Variants in KCNN2 observed in about 807,000 individuals in gnomAD.
KCNN2 encodes small conductance calcium-activated potassium channel protein 2.
In KCNN2, 24 loss-of-function variants were observed where a neutral mutation model predicts 55.5. The observed-to-expected ratio is 0.43, with a 90% CI of 0.31 to 0.61. KCNN2 has a LOEUF of 0.61. Ranked by LOEUF, KCNN2 falls within the 20% of genes least tolerant of loss-of-function variation. The pLI, the probability that KCNN2 is intolerant of heterozygous loss-of-function variation, is 0.08. For synonymous variants in KCNN2, 431 were observed against 336.1 expected, an observed-to-expected ratio of 1.28 and a Z score of -3.09; for missense variants, 754 against 853.6, an observed-to-expected ratio of 0.88 and a Z score of 1.45.
At chr5:114,298,445 C>G (rs1438547547) in intron 2 of KCNN2, among the ~76,000 whole-genome samples, 1 of 152,220 alleles carries the variant, frequency 6.6e-6, no homozygotes, top group African/African-American at 2.4e-5. Flanking sequence ...CCAGTTGCAA[C>G]ACTGGTGGCA....
At chr5:114,447,509 C>A (rs1760464045) in intron 3 of KCNN2, among the ~76,000 whole-genome samples, 1 of 152,214 alleles carries the variant, frequency 6.6e-6, no homozygotes, top group African/African-American at 2.4e-5. Flanking sequence ...AGATGACTGA[C>A]AAACATTTTG....
At chr5:114,059,926 G>A (rs1437271828) in intron 1 of KCNN2, among the ~76,000 whole-genome samples, 1 of 152,200 alleles carries the variant, frequency 6.6e-6, no homozygotes, top group African/African-American at 2.4e-5. Flanking sequence ...GAAAGGATCA[G>A]GCTGTTGGTA....
intron 1 of KCNN2, among the ~76,000 whole-genome samples, chr5:114,126,530 A>T (rs906515720): frequency 6.6e-6 from 1 of 152,140 alleles, no homozygotes; most frequent in East Asian, 1.9e-4. Context: ...GCATGATTCA[A>T]TTATCTCCAC....
chr5:114,147,131 G>C (rs559343118), intron 1 of KCNN2, among the ~76,000 whole-genome samples: 3 of 152,102 alleles, frequency 2.0e-5, no homozygotes, highest in Non-Finnish European at 2.9e-5. Flanking sequence ...TTGGTCTTAC[G>C]TACACTGCCT....
intron 2 of KCNN2, among the ~76,000 whole-genome samples, chr5:114,248,354 G>T (rs976224811): frequency 2.0e-5 from 3 of 152,144 alleles, no homozygotes; most frequent in African/African-American, 7.2e-5. Flanking sequence ...TTAATGAGAA[G>T]TTTAGTTATT....
intron 1 of KCNN2, among the ~76,000 whole-genome samples, chr5:114,079,622 G>A (rs975091768): frequency 6.6e-6 from 1 of 152,088 alleles, no homozygotes; most frequent in South Asian, 2.1e-4. Flanking sequence ...TTTTAATACA[G>A]TAGAACGTAG....
At chr5:114,134,868 A>G (rs1752143162) in intron 1 of KCNN2, among the ~76,000 whole-genome samples, 1 of 152,208 alleles carries the variant, frequency 6.6e-6, no homozygotes. Flanking sequence ...AGAGCAAAGT[A>G]CATTATTCAG....
At chr5:114,161,331 C>G (rs368646775) in intron 1 of KCNN2, among the ~76,000 whole-genome samples, 1 of 146,246 alleles carries the variant, frequency 6.8e-6, no homozygotes, top group African/African-American at 2.5e-5. Context: ...ATATTGGCCC[C>G]CACTCTCTCC....
chr5:114,334,986 C>T (rs1377990155), intron 2 of KCNN2, among the ~76,000 whole-genome samples: 2 of 152,098 alleles, frequency 1.3e-5, no homozygotes, highest in Middle Eastern at 3.4e-3. Flanking sequence ...TGCAGTGTCG[C>T]GATCTTGGCT....
chr5:114,172,186 C>T lies in KCNN2; in HGVS notation c.-270-49294C>T, dbSNP rs1753047877. Among the ~76,000 whole-genome samples the T allele has an allele frequency of 2.0e-5, 3 of 151,978 alleles. No homozygotes were observed. In the East Asian group the frequency reaches 5.8e-4, roughly 29 times the overall value. On this transcript the variant is annotated intron_variant, in intron 1 of 10. Transcript: ENST00000512097. ...TTCATCCCAACCTACCAGTTTACACCACAAAGTGAACTACCAGCACCACTT... is the reference window on the plus strand; with the variant it reads ...TTCATCCCAACCTACCAGTTTACACTACAAAGTGAACTACCAGCACCACTT...
intron 5 of KCNN2, among the ~76,000 whole-genome samples, chr5:114,481,495 T>G (rs1762222958): frequency 6.6e-6 from 1 of 152,152 alleles, no homozygotes; most frequent in Non-Finnish European, 1.5e-5. Context: ...TCAGTGCTAT[T>G]CCCATTAAAC....
chr5:114,178,307 C>A (rs1027398513), intron 1 of KCNN2, among the ~76,000 whole-genome samples: 1 of 152,196 alleles, frequency 6.6e-6, no homozygotes, highest in Non-Finnish European at 1.5e-5. Context: ...TGCCATCTGG[C>A]AGTTCCTTTC....
chr5:114,326,689 A>T (rs1200990323), intron 2 of KCNN2, among the ~76,000 whole-genome samples: 1 of 152,220 alleles, frequency 6.6e-6, no homozygotes, highest in Admixed American at 6.5e-5. Context: ...ACTTCTGGAC[A>T]CACTGAAGCA....
Position 114,121,203 on chromosome 5 carries a change from A to G in KCNN2, c.-271+64703A>G, listed in dbSNP as rs1449828275. Among the ~76,000 whole-genome samples the G allele has an allele frequency of 2.0e-5, 3 of 152,168 alleles. No individual in the cohort carries two copies. In the East Asian group the frequency reaches 5.8e-4, roughly 29 times the overall value. On this transcript the variant is annotated intron_variant, in intron 1 of 10. Transcript: ENST00000512097. ...ACCAGATATCCTGAGGACCTGTGGAATTTGCACCTATGGTATCATCCCAGG... is the reference window on the plus strand; with the variant it reads ...ACCAGATATCCTGAGGACCTGTGGAGTTTGCACCTATGGTATCATCCCAGG...
Position 114,496,039 on chromosome 5 carries a change from A to T in KCNN2, c.2233A>T (p.Arg745Trp), listed in dbSNP as rs778844704. The change falls in exon 8 of 8, where the codon AGG (arginine) becomes TGG (tryptophan). Residue 745 changes from arginine (R) to tryptophan (W), a missense_variant. Transcript: ENST00000673685. Reference sequence around the variant, plus strand: ...CCCTGGGCTCATAAGCCAGACCATCAGGCAGCAGCAGAGAGATTTCATTGA... The same window carrying T: ...CCCTGGGCTCATAAGCCAGACCATCTGGCAGCAGCAGAGAGATTTCATTGA... ...ALPGLISQTI[R>W]QQQRDFIEAQ... is the part of the protein sequence containing the mutation. The T allele has an allele frequency of 6.2e-7, 1 of 1,614,108 alleles. No individual in the cohort carries two copies. Among genetic ancestry groups the T allele is most frequent in the South Asian group, 1.1e-5 (1 of 91,086 alleles).
intron 5 of KCNN2, among the ~76,000 whole-genome samples, chr5:114,475,212 T>C (rs916770582): frequency 6.6e-6 from 1 of 152,104 alleles, no homozygotes; most frequent in Admixed American, 6.6e-5. Flanking sequence ...CATTCCAAGT[T>C]GGTTTTATAG....
intron 2 of KCNN2, among the ~76,000 whole-genome samples, chr5:114,317,771 T>A (rs1756527781): frequency 6.6e-6 from 1 of 152,194 alleles, no homozygotes; most frequent in South Asian, 2.1e-4. Flanking sequence ...CCAGTAGAAA[T>A]AAAAGTAGCT....
At chr5:114,275,773 A>G (rs968152366) in intron 2 of KCNN2, among the ~76,000 whole-genome samples, 14 of 152,064 alleles carry the variant, frequency 9.2e-5, no homozygotes, top group Non-Finnish European at 2.9e-5. Flanking sequence ...TCTTTTCAAA[A>G]AACCAGCTCC....
At chr5:114,383,925 A>G (rs1033290387) in intron 2 of KCNN2, among the ~76,000 whole-genome samples, 2 of 152,228 alleles carry the variant, frequency 1.3e-5, no homozygotes, top group Admixed American at 6.5e-5. Flanking sequence ...GTATCACAGT[A>G]ACTAATGTGT....
Sources: allele counts gnomAD v4.1 joint callset (sites outside exome capture counted in the v4.1 genomes callset), GRCh38; gene constraint gnomAD v4.1.1; transcripts MANE v1.5; gene names NCBI Gene and HGNC (gene_info 2026-07-23, HGNC 2026-07-21).